Variants in CAMKMT observed in about 807,000 individuals in gnomAD.
CAMKMT encodes CaM KMT.
Under a neutral mutation model 48.0 loss-of-function variants are expected in CAMKMT, and 53 were observed. The observed-to-expected ratio is 1.10, with a 90% CI of 0.89 to 1.39. The LOEUF (loss-of-function observed/expected upper bound fraction) is 1.39. CAMKMT is among the 40% of genes most tolerant of loss of function. CAMKMT has a pLI of 0.00. For synonymous variants in CAMKMT, 165 were observed against 152.3 expected, an observed-to-expected ratio of 1.08 and a Z score of -0.61; for missense variants, 428 against 402.7, an observed-to-expected ratio of 1.06 and a Z score of -0.54.
At chr2:44,539,990 A>G (rs1667004800) in intron 3 of CAMKMT, among the ~76,000 whole-genome samples, 1 of 152,104 alleles carries the variant, frequency 6.6e-6, no homozygotes, top group Admixed American at 6.6e-5. Flanking sequence ...GAAACTATTG[A>G]AACATATTGT....
At chr2:44,468,890 C>G (rs1459277729) in intron 3 of CAMKMT, among the ~76,000 whole-genome samples, 1 of 152,024 alleles carries the variant, frequency 6.6e-6, no homozygotes, top group Non-Finnish European at 1.5e-5. Context: ...TGTACTACAG[C>G]CTGGATGACA....
At chr2:44,475,404 G>A (rs777727627) in intron 3 of CAMKMT, among the ~76,000 whole-genome samples, 4 of 150,734 alleles carry the variant, frequency 2.7e-5, no homozygotes, top group East Asian at 3.9e-4. Flanking sequence ...TGCAACCTCC[G>A]CCTCCTGGGT....
At chr2:44,395,564 T>C (rs1681757735) in intron 3 of CAMKMT, among the ~76,000 whole-genome samples, 1 of 152,134 alleles carries the variant, frequency 6.6e-6, no homozygotes, top group Non-Finnish European at 1.5e-5. Flanking sequence ...GTACATGGGA[T>C]ATGAAGTTCA....
At chr2:44,414,570 C>T (rs545865550) in intron 3 of CAMKMT, among the ~76,000 whole-genome samples, 5 of 152,220 alleles carry the variant, frequency 3.3e-5, no homozygotes, top group African/African-American at 1.2e-4. Context: ...GAGTGGACAC[C>T]CAAGATGAGA....
At position 44,515,286 on chromosome 2, in the gene CAMKMT, A is replaced by G. The variant is rs78299997; in HGVS notation, c.376+124981A>G. ...TTTTGGGAGAGTGGCTCTGGTCACT[A>G]GTAGAGGCTTTTCAGTGGGACTGGG... On this transcript the variant is annotated intron_variant, in intron 3 of 10. Coordinates refer to ENST00000378494, the MANE Select transcript of CAMKMT (RefSeq NM_024766.5). 2.0e-3 allele frequency among the ~76,000 whole-genome samples: 299 copies of G among 152,280 alleles called. 1 individual carries two copies. Among genetic ancestry groups the G allele is most frequent in the African/African-American group, 6.9e-3 (285 of 41,544 alleles).
At chr2:44,426,551 A>C (rs1684287438) in intron 3 of CAMKMT, among the ~76,000 whole-genome samples, 2 of 152,222 alleles carry the variant, frequency 1.3e-5, no homozygotes, top group South Asian at 4.1e-4. Flanking sequence ...ATAACATTCA[A>C]GCTGAGAACC....
At position 44,672,737 on chromosome 2, in the gene CAMKMT, T is replaced by C. The variant is rs539402010; in HGVS notation, c.377-31546T>C. ...GGTACCAGGCACTTTTGTACATTTCTAGTTTTGTCTTAGCTGAGATAAATA... is the reference window on the plus strand; with the variant it reads ...GGTACCAGGCACTTTTGTACATTTCCAGTTTTGTCTTAGCTGAGATAAATA... On this transcript the variant is annotated intron_variant, in intron 3 of 10. Transcript: ENST00000378494. Among the ~76,000 whole-genome samples, 3 of 152,328 alleles carry C rather than the reference T, an allele frequency of 2.0e-5. No individual in the cohort carries two copies. In the South Asian group the frequency reaches 6.2e-4, roughly 32 times the overall value.
chr2:44,568,280 G>A (rs1157008048), intron 3 of CAMKMT, among the ~76,000 whole-genome samples: 1 of 152,152 alleles, frequency 6.6e-6, no homozygotes, highest in African/African-American at 2.4e-5. Flanking sequence ...GCATTTGCTT[G>A]GAAACTGTTA....
intron 3 of CAMKMT, among the ~76,000 whole-genome samples, chr2:44,684,134 C>T (rs1036968935): frequency 6.6e-6 from 1 of 152,156 alleles, no homozygotes; most frequent in African/African-American, 2.4e-5. Context: ...TTCACAATAA[C>T]ATGAACTCTT....
At chr2:44,615,977 C>G (rs564838797) in intron 3 of CAMKMT, among the ~76,000 whole-genome samples, 3 of 152,286 alleles carry the variant, frequency 2.0e-5, no homozygotes, top group Admixed American at 1.3e-4. Context: ...GTCCCTTGCT[C>G]TCCCTCTAGT....
chr2:44,546,154 GACACACACACACAC>G lies in CAMKMT; in HGVS notation c.376+155885_376+155898del, dbSNP rs4039614. ...GGATCTGGCTATCTTAGACTGCTAGGACACACACACACACACACACACACACACACACACACACA... is the reference window on the plus strand; with the variant it reads ...GGATCTGGCTATCTTAGACTGCTAGGACACACACACACACACACACACACA... On this transcript the variant is annotated intron_variant, in intron 3 of 10. Transcript: ENST00000378494. Among the ~76,000 whole-genome samples the G allele has an allele frequency of 5.6e-3, 719 of 129,168 alleles. 3 individuals are homozygous for G. The highest frequency in any genetic ancestry group is 0.033 in the Middle Eastern group (9 of 274). 84.7% of individuals were successfully genotyped at this position (129,168 alleles called of 152,430 possible).
intron 10 of CAMKMT, among the ~76,000 whole-genome samples, chr2:44,769,147 A>G (rs1457771510): frequency 6.6e-6 from 1 of 151,810 alleles, no homozygotes; most frequent in Non-Finnish European, 1.5e-5. Flanking sequence ...AAAAAAATCT[A>G]CAGATTTAGG....
rs538668276 is a variant in CAMKMT, at chr2:44,637,061, T to A, written c.377-67222T>A. On this transcript the variant is annotated intron_variant, in intron 3 of 10. Transcript: ENST00000378494. Reference sequence around the variant, plus strand: ...AAAAAAATGGGTTACTGATTTGACATACTGCTGTTGAAAACTGTCCTAAGG... The same window carrying A: ...AAAAAAATGGGTTACTGATTTGACAAACTGCTGTTGAAAACTGTCCTAAGG... Among the ~76,000 whole-genome samples the A allele has an allele frequency of 2.0e-5, 3 of 152,334 alleles. No individual in the cohort carries two copies. In the South Asian group the frequency reaches 6.2e-4, roughly 32 times the overall value.
intron 7 of CAMKMT, among the ~76,000 whole-genome samples, chr2:44,740,202 C>T (rs1278439104): frequency 6.7e-6 from 1 of 148,300 alleles, no homozygotes; most frequent in Non-Finnish European, 1.5e-5. Flanking sequence ...GATCATGGCT[C>T]ACTGCAGCCT....
intron 3 of CAMKMT, among the ~76,000 whole-genome samples, chr2:44,698,595 AT>A (rs2104247640): frequency 6.6e-6 from 1 of 152,346 alleles, no homozygotes; most frequent in East Asian, 1.9e-4. Flanking sequence ...ACTAATGATT[AT>A]CTGAGCTTTC....
intron 3 of CAMKMT, among the ~76,000 whole-genome samples, chr2:44,565,655 A>C (rs1668570885): frequency 6.6e-6 from 1 of 152,086 alleles, no homozygotes; most frequent in African/African-American, 2.4e-5. Context: ...TCCTACTCAG[A>C]GAATCGGATC....
At chr2:44,581,128 A>G (rs1388859747) in intron 3 of CAMKMT, among the ~76,000 whole-genome samples, 3 of 152,178 alleles carry the variant, frequency 2.0e-5, no homozygotes, top group Non-Finnish European at 4.4e-5. Flanking sequence ...TAGGCAGTGC[A>G]AGTATGTTTC....
chr2:44,763,898 G>A (rs1311109755), intron 9 of CAMKMT, among the ~76,000 whole-genome samples: 1 of 152,130 alleles, frequency 6.6e-6, no homozygotes, highest in African/African-American at 2.4e-5. Context: ...GTTAAAAACC[G>A]ACTCTTCAAG....
At chr2:44,454,626 T>C (rs1007037083) in intron 3 of CAMKMT, among the ~76,000 whole-genome samples, 6 of 152,116 alleles carry the variant, frequency 3.9e-5, no homozygotes, top group African/African-American at 1.4e-4. Flanking sequence ...CAAATCATTT[T>C]TAATAGTCAG....
Sources: gnomAD v4.1 joint callset for allele counts (sites outside exome capture counted in the v4.1 genomes callset) on GRCh38, gnomAD v4.1.1 for gene constraint, MANE v1.5 for transcripts, NCBI Gene and HGNC (gene_info 2026-07-23, HGNC 2026-07-21) for gene names.